NRF1: variants seen among roughly 807,000 people sequenced by gnomAD.
NRF1 encodes alpha palindromic-binding protein.
In NRF1, 5 loss-of-function variants were observed where a neutral mutation model predicts 58.5. The ratio of observed to expected loss-of-function variants is 0.09; its 90% CI spans 0.04 to 0.18. NRF1 has a LOEUF of 0.18. Ranked by LOEUF, NRF1 falls within the 10% of genes least tolerant of loss-of-function variation. The probability of loss-of-function intolerance (pLI) is 1.00; values close to 1 mark genes in which losing one functional copy is unlikely to be tolerated. For missense variants in NRF1, 288 were observed against 657.7 expected (o/e 0.44, Z 6.15); for synonymous variants, 224 against 246.7 (o/e 0.91, Z 0.86).
intron 2 of NRF1, among the ~76,000 whole-genome samples, chr7:129,659,684 G>A (rs970637111): frequency 1.4e-4 from 21 of 152,008 alleles, no homozygotes; most frequent in African/African-American, 3.9e-4. Flanking sequence ...CATTCTAACC[G>A]CTACTCTTTC....
intron 1 of NRF1, among the ~76,000 whole-genome samples, chr7:129,620,067 G>A (rs1800758188): frequency 6.6e-6 from 1 of 152,180 alleles, no homozygotes; most frequent in Non-Finnish European, 1.5e-5. Flanking sequence ...TTTACTAAAT[G>A]TTAATGATTA....
At chr7:129,702,520 CT>C (rs1414329783) in intron 5 of NRF1, among the ~76,000 whole-genome samples, 1 of 43,670 alleles carries the variant, frequency 2.3e-5, no homozygotes, top group Non-Finnish European at 6.9e-5. Flanking sequence ...CCATAGTCAT[CT>C]CTCTGAACAG....
chr7:129,712,311 A>C (rs1275629407), intron 8 of NRF1, among the ~76,000 whole-genome samples: 1 of 152,230 alleles, frequency 6.6e-6, no homozygotes, highest in African/African-American at 2.4e-5. Flanking sequence ...TTACGTCACC[A>C]TGAGTGTTTC....
chr7:129,671,514 C>T lies in NRF1; in HGVS notation c.309C>T (p.Ile103=), dbSNP rs914325294. 6.2e-7 allele frequency: 1 copy of T among 1,611,610 alleles called. No homozygotes were observed. Among genetic ancestry groups the T allele is most frequent in the Non-Finnish European group, 8.5e-7 (1 of 1,177,692 alleles). The change falls in exon 3 of 11, where the codon ATC becomes ATT. Residue 103 remains isoleucine, a synonymous_variant. Transcript: ENST00000393232. ...RPHVFESNPS[I]RKRQQTRLLR... ...ATGTATTTGAGTCTAATCCATCTAT[C>T]CGGAAGAGGCAACAAACACGTTTGC... is the stretch of plus-strand genomic sequence containing the variant.
intron 3 of NRF1, among the ~76,000 whole-genome samples, chr7:129,676,454 A>G (rs2055702283): frequency 6.6e-6 from 1 of 152,236 alleles, no homozygotes; most frequent in Non-Finnish European, 1.5e-5. Flanking sequence ...CAGTTGGCCT[A>G]ATTTCAATAC....
intron 10 of NRF1, among the ~76,000 whole-genome samples, chr7:129,728,108 G>C (rs1010082271): frequency 2.0e-5 from 3 of 152,222 alleles, no homozygotes; most frequent in African/African-American, 7.2e-5. Flanking sequence ...CTGGGTCAAA[G>C]AGGAGGGCCA....
intron 10 of NRF1, among the ~76,000 whole-genome samples, chr7:129,748,297 GAC>G (rs1804030157): frequency 4.3e-5 from 3 of 69,020 alleles, no homozygotes; most frequent in African/African-American, 1.4e-4. Flanking sequence ...AAAAAAAAAA[GAC>G]AGTCTTGCCA....
chr7:129,619,735 T>G (rs1467803068), intron 1 of NRF1, among the ~76,000 whole-genome samples: 4 of 87,710 alleles, frequency 4.6e-5, no homozygotes, highest in South Asian at 3.2e-4. Flanking sequence ...TTGTTTGGGT[T>G]GTTTTTTTTT....
At chr7:129,621,688 G>A (rs576204732) in intron 1 of NRF1, among the ~76,000 whole-genome samples, 1 of 151,770 alleles carries the variant, frequency 6.6e-6, no homozygotes, top group East Asian at 1.9e-4. Flanking sequence ...ATTCTGATAT[G>A]TTACCAGAAT....
chr7:129,663,221 G>A (rs567222178), intron 2 of NRF1, among the ~76,000 whole-genome samples: 9 of 151,422 alleles, frequency 5.9e-5, no homozygotes, highest in Admixed American at 1.3e-4. Flanking sequence ...TTTTCTTTTC[G>A]ACAAAACCGC....
At chr7:129,689,102 C>G (rs905597510) in intron 4 of NRF1, among the ~76,000 whole-genome samples, 4 of 152,108 alleles carry the variant, frequency 2.6e-5, no homozygotes, top group Admixed American at 2.6e-4. Context: ...CAGGATACAA[C>G]TGAATCTCTG....
intron 1 of NRF1, among the ~76,000 whole-genome samples, chr7:129,653,779 GCTT>G (rs1562960657): frequency 6.6e-6 from 1 of 152,242 alleles, no homozygotes; most frequent in South Asian, 2.1e-4. Flanking sequence ...ATGCATTTAA[GCTT>G]CTTCTACATT....
intron 1 of NRF1, among the ~76,000 whole-genome samples, chr7:129,634,554 T>A (rs1483880984): frequency 6.6e-6 from 1 of 152,214 alleles, no homozygotes; most frequent in Admixed American, 6.5e-5. Context: ...TATTTCACTG[T>A]ATGGATGTAC....
intron 4 of NRF1, among the ~76,000 whole-genome samples, chr7:129,681,239 T>C (rs558931822): frequency 3.9e-4 from 60 of 152,354 alleles, no homozygotes; most frequent in Admixed American, 6.5e-4. Context: ...GTCTTAGAGA[T>C]GCTCCCTTAG....
chr7:129,638,766 T>A (rs1282027091), intron 1 of NRF1, among the ~76,000 whole-genome samples: 3 of 152,192 alleles, frequency 2.0e-5, no homozygotes, highest in Non-Finnish European at 4.4e-5. Context: ...TTAGGTAGCA[T>A]TTCTCCCCTC....
chr7:129,669,767 G>A (rs564393773), intron 2 of NRF1, among the ~76,000 whole-genome samples: 51 of 152,292 alleles, frequency 3.3e-4, no homozygotes, highest in Non-Finnish European at 6.6e-4. Context: ...AGCCGCTCTG[G>A]AAAACAGTAT....
intron 5 of NRF1, among the ~76,000 whole-genome samples, chr7:129,700,841 A>G (rs889832561): frequency 2.0e-5 from 3 of 152,182 alleles, no homozygotes; most frequent in African/African-American, 7.2e-5. Flanking sequence ...ACTTGAGCCC[A>G]GGAGTTCAAG....
chr7:129,662,418 GTGTGTT>G (rs1318582433), intron 2 of NRF1, among the ~76,000 whole-genome samples: 172 of 114,076 alleles, frequency 1.5e-3, no homozygotes, highest in African/African-American at 6.4e-3. Flanking sequence ...GTGTGTGTGT[GTGTGTT>G]TCCTCCGAGA....
chr7:129,654,088 C>T (rs929955150), intron 1 of NRF1, among the ~76,000 whole-genome samples: 3 of 152,190 alleles, frequency 2.0e-5, no homozygotes, highest in Non-Finnish European at 4.4e-5. Context: ...GCATTCCCAC[C>T]AGCAGTGAAA....
Sources: allele counts gnomAD v4.1 joint callset (sites outside exome capture counted in the v4.1 genomes callset), GRCh38; gene constraint gnomAD v4.1.1; transcripts MANE v1.5; gene names NCBI Gene and HGNC (gene_info 2026-07-23, HGNC 2026-07-21).